Variants in NPAS3 observed in about 807,000 individuals in gnomAD.
NPAS3 encodes the protein neuronal PAS domain-containing protein 3.
A neutral mutation model predicts 73.1 loss-of-function variants in NPAS3; 14 were observed. That is an observed-to-expected ratio of 0.19 (90% CI 0.13 to 0.30). The LOEUF (loss-of-function observed/expected upper bound fraction) is 0.30, where lower values mean the gene tolerates loss of function less well. Ranked by LOEUF, NPAS3 falls within the 10% of genes least tolerant of loss-of-function variation. The probability of loss-of-function intolerance (pLI) is 1.00; values close to 1 mark genes in which losing one functional copy is unlikely to be tolerated. For synonymous variants in NPAS3, 620 were observed against 541.5 expected, an observed-to-expected ratio of 1.14 and a Z score of -2.01; for missense variants, 1,096 against 1,250.0, an observed-to-expected ratio of 0.88 and a Z score of 1.86.
intron 4 of NPAS3, among the ~76,000 whole-genome samples, chr14:33,413,189 C>A (rs919895923): frequency 1.3e-5 from 2 of 151,716 alleles, no homozygotes; most frequent in Non-Finnish European, 2.9e-5. Flanking sequence ...TTTTCCCTCT[C>A]TCATATGTGA....
At chr14:32,982,801 C>A (rs2037951026) in intron 1 of NPAS3, among the ~76,000 whole-genome samples, 1 of 152,228 alleles carries the variant, frequency 6.6e-6, no homozygotes, top group African/African-American at 2.4e-5. Flanking sequence ...CCGTATCACT[C>A]AATTTCCCCG....
downstream of NPAS3, chr14:33,803,455 A>G (rs1285998567): frequency 6.6e-6 from 1 of 152,210 alleles, no homozygotes; most frequent in African/African-American, 2.4e-5. Context: ...TTTAATAGTG[A>G]GCTTACTTGA....
At chr14:32,946,602 T>C (rs1215748522) in intron 1 of NPAS3, among the ~76,000 whole-genome samples, 1 of 152,150 alleles carries the variant, frequency 6.6e-6, no homozygotes, top group South Asian at 2.1e-4. Flanking sequence ...GGATGTAATA[T>C]TGTCAACTAA....
chr14:33,663,326 T>G (rs1334453332), intron 5 of NPAS3, among the ~76,000 whole-genome samples: 1 of 152,186 alleles, frequency 6.6e-6, no homozygotes, highest in Non-Finnish European at 1.5e-5. Context: ...GAGATAATCA[T>G]GAGGTTTTTG....
intron 4 of NPAS3, among the ~76,000 whole-genome samples, chr14:33,443,224 A>T (rs573653803): frequency 1.5e-4 from 23 of 152,122 alleles, no homozygotes; most frequent in African/African-American, 4.8e-4. Context: ...TGCTAAAAAC[A>T]TCATTATACT....
intron 6 of NPAS3, 77 bp downstream of exon 6, chr14:33,676,462 A>T (rs2059770394): frequency 7.9e-7 from 1 of 1,261,030 alleles, no homozygotes; most frequent in African/African-American, 1.5e-5. Flanking sequence ...TACCCATGTG[A>T]AGAGACTATA....
At chr14:33,560,367 G>T in intron 5 of NPAS3, 157 bp downstream of exon 5, 1 of 484,804 alleles carries the variant, frequency 2.1e-6, no homozygotes, top group East Asian at 3.1e-5. Flanking sequence ...TGAGAAACCT[G>T]TGTGTCAGTG....
At chr14:33,123,867 T>C (rs199536486) in intron 2 of NPAS3, among the ~76,000 whole-genome samples, 14,989 of 146,662 alleles carry the variant, frequency 0.1, 982 homozygotes, top group East Asian at 0.31. Flanking sequence ...CTTTCTTTTT[T>C]TTTTTTTTTT....
At chr14:33,466,919 A>G (rs2050554681) in intron 4 of NPAS3, among the ~76,000 whole-genome samples, 1 of 152,214 alleles carries the variant, frequency 6.6e-6, no homozygotes, top group Non-Finnish European at 1.5e-5. Flanking sequence ...TGGTGAGGAC[A>G]CAGATCCAAA....
chr14:33,315,747 G>C (rs546619607), intron 3 of NPAS3, among the ~76,000 whole-genome samples: 36 of 152,100 alleles, frequency 2.4e-4, no homozygotes, highest in Non-Finnish European at 4.4e-4. Flanking sequence ...AGTGGGAAAA[G>C]CTATGGGGGT....
At chr14:33,350,558 AG>A (rs1343786007) in intron 3 of NPAS3, among the ~76,000 whole-genome samples, 1 of 152,260 alleles carries the variant, frequency 6.6e-6, no homozygotes, top group East Asian at 1.9e-4. Context: ...TGGTTCAAGA[AG>A]GGATCACGCC....
chr14:33,669,933 G>GAGAC (rs904932663), intron 5 of NPAS3, among the ~76,000 whole-genome samples: 5 of 151,616 alleles, frequency 3.3e-5, no homozygotes, highest in African/African-American at 9.7e-5. Context: ...GTTTGTTTTT[G>GAGAC]AGACAGAGTC....
At chr14:33,629,839 A>AACT (rs1327367087) in intron 5 of NPAS3, among the ~76,000 whole-genome samples, 1 of 152,126 alleles carries the variant, frequency 6.6e-6, no homozygotes, top group Admixed American at 6.5e-5. Flanking sequence ...TTCAAACAAC[A>AACT]GGCATTCAAA....
chr14:33,336,070 T>C (rs891952715), intron 3 of NPAS3, among the ~76,000 whole-genome samples: 2 of 152,226 alleles, frequency 1.3e-5, no homozygotes, highest in African/African-American at 4.8e-5. Flanking sequence ...CAGCAATGTG[T>C]GAGGGTTCCA....
At chr14:32,966,725 G>C (rs2037179779) in intron 1 of NPAS3, among the ~76,000 whole-genome samples, 1 of 128,614 alleles carries the variant, frequency 7.8e-6, no homozygotes, top group Admixed American at 7.5e-5. Flanking sequence ...AGCAGAGATT[G>C]CGCCACTGCA....
intron 4 of NPAS3, among the ~76,000 whole-genome samples, chr14:33,537,970 T>C (rs545277926): frequency 6.6e-6 from 1 of 152,322 alleles, no homozygotes; most frequent in South Asian, 2.1e-4. Flanking sequence ...TAGCTTTTAA[T>C]TATCAACAGA....
At chr14:33,362,150 G>A (rs143898321) in intron 3 of NPAS3, among the ~76,000 whole-genome samples, 1 of 152,108 alleles carries the variant, frequency 6.6e-6, no homozygotes, top group African/African-American at 2.4e-5. Context: ...GGGTTAAGCT[G>A]GTACCCAGTG....
chr14:33,732,792 G>T (rs1392545983), intron 6 of NPAS3, among the ~76,000 whole-genome samples: 1 of 152,202 alleles, frequency 6.6e-6, no homozygotes, highest in African/African-American at 2.4e-5. Flanking sequence ...GGCAATTACT[G>T]TTGCAACATG....
chr14:33,136,205 C>T (rs571932890), intron 2 of NPAS3, among the ~76,000 whole-genome samples: 8 of 151,776 alleles, frequency 5.3e-5, no homozygotes, highest in Middle Eastern at 3.4e-3. Context: ...GGACTACAGG[C>T]GCACACCACC....
Sources: gnomAD v4.1 joint callset for allele counts (sites outside exome capture counted in the v4.1 genomes callset) on GRCh38, gnomAD v4.1.1 for gene constraint, MANE v1.5 for transcripts, NCBI Gene and HGNC (gene_info 2026-07-23, HGNC 2026-07-21) for gene names.